Variants in CLIP4 observed in about 807,000 individuals in gnomAD.
The protein encoded by CLIP4 is CAP-Gly domain-containing linker protein 4.
CLIP4 carries 47 observed loss-of-function variants against 73.1 expected under a neutral mutation model. The ratio of observed to expected loss-of-function variants is 0.64; its 90% CI spans 0.51 to 0.82. The LOEUF (loss-of-function observed/expected upper bound fraction) is 0.82. Among genes scored for constraint, CLIP4 ranks in the 40% least tolerant of loss-of-function variants. The pLI is 0.00. For synonymous variants in CLIP4, 306 were observed against 295.4 expected (o/e 1.04, Z -0.37); for missense variants, 874 against 852.9 (o/e 1.02, Z -0.31).
intron 5 of CLIP4, among the ~76,000 whole-genome samples, chr2:29,134,153 T>C (rs1418869476): frequency 6.6e-6 from 1 of 152,148 alleles, no homozygotes; most frequent in Non-Finnish European, 1.5e-5. Flanking sequence ...AATAGAATAA[T>C]AAGGTCTTCA....
intron 8 of CLIP4, among the ~76,000 whole-genome samples, chr2:29,148,624 T>C (rs1666335802): frequency 6.6e-6 from 1 of 152,210 alleles, no homozygotes; most frequent in Non-Finnish European, 1.5e-5. Flanking sequence ...CTTTTTCAAC[T>C]CTTTTAGCTG....
intron 1 of CLIP4, among the ~76,000 whole-genome samples, chr2:29,118,539 A>T (rs1184492681): frequency 8.7e-5 from 12 of 137,398 alleles, no homozygotes; most frequent in Non-Finnish European, 1.5e-4. Flanking sequence ...TTTTTTTGAG[A>T]TGGAGTTTCG....
intron 9 of CLIP4, among the ~76,000 whole-genome samples, chr2:29,155,373 T>C (rs182851182): frequency 0.012 from 1,730 of 149,886 alleles, 17 homozygotes; most frequent in Non-Finnish European, 0.019. Flanking sequence ...ATAGAAGATA[T>C]GAAAAACAAC....
intron 15 of CLIP4, among the ~76,000 whole-genome samples, chr2:29,176,237 C>T (rs1668336622): frequency 6.6e-6 from 1 of 152,306 alleles, no homozygotes; most frequent in South Asian, 2.1e-4. Context: ...TGGCCTTCTG[C>T]CAAGGGGCCA....
chr2:29,100,368 CTTTATT>C (rs954309019), intron 1 of CLIP4, among the ~76,000 whole-genome samples: 6 of 152,072 alleles, frequency 3.9e-5, no homozygotes, highest in African/African-American at 9.7e-5. Context: ...AAAAATTAGA[CTTTATT>C]TTTAAGTTTA....
Position 29,152,871 on chromosome 2 carries a change from A to G in CLIP4, c.1165+43A>G, listed in dbSNP as rs763402126. 1.8e-5 allele frequency: 29 copies of G among 1,593,408 alleles called. 1 individual carries two copies. In the South Asian group the frequency reaches 3.4e-4, roughly 18 times the overall value. On this transcript the variant is annotated intron_variant, in intron 9 of 15. Transcript: ENST00000320081. ...GTTAACCATCTGCTTCAGTGTTTTA[A>G]TTTTATTTGTAGAATTCCTAATATT... is the stretch of plus-strand genomic sequence containing the variant.
At position 29,183,607 on chromosome 2, in the gene CLIP4, C is replaced by G. The variant is rs903259140; in HGVS notation, c.*1714C>G. The G allele has an allele frequency of 6.6e-5, 10 of 152,516 alleles. No homozygotes were observed. The highest frequency in any genetic ancestry group is 2.2e-4 in the African/African-American group (9 of 41,398). The allele number at this position is 152,516 out of a possible 1,614,324, so 9.4% of individuals were successfully genotyped here. A position where few individuals can be genotyped will look rare whatever the true frequency, so the allele number is the denominator to read the frequency against. ...ACACTGTAAGTTAAAAACAGTAATG[C>G]CAACATTGAATTTATTTTTGAGGTC... On this transcript the variant is annotated 3_prime_UTR_variant, in exon 16 of 16. Transcript: ENST00000320081.
chr2:29,139,049 G>A (rs560891711), intron 6 of CLIP4, among the ~76,000 whole-genome samples: 1 of 152,154 alleles, frequency 6.6e-6, no homozygotes, highest in African/African-American at 2.4e-5. Context: ...TTGAATAGGC[G>A]TAGTGACAGT....
In CLIP4 at chr2:29,132,242, A is replaced by G. The variant is rs765130877; in HGVS notation, c.364A>G (p.Ile122Val). Residue 122 changes from isoleucine to valine, a missense_variant, in exon 4 of 16, where the codon ATT becomes GTT. Physicochemically the swap from Ile to Val is conservative, Grantham distance 29. Coordinates refer to ENST00000320081, the MANE Select transcript of CLIP4 (RefSeq NM_024692.6). ...TACCTGCAAATCTGGAGCTCATGGT[A>G]TTGGTAAGTGTGTGGTAAATCTATC... ...HYTCKSGAHG[I>V]GDVETAVKFA... The G allele has an allele frequency of 5.6e-6, 9 of 1,610,888 alleles. No individual in the cohort carries two copies. Among genetic ancestry groups the G allele is most frequent in the Admixed American group, 1.7e-5 (1 of 59,952 alleles).
intron 1 of CLIP4, among the ~76,000 whole-genome samples, chr2:29,101,480 C>A (rs968073660): frequency 2.6e-5 from 4 of 151,938 alleles, no homozygotes; most frequent in Admixed American, 2.0e-4. Context: ...ATGATGGAGC[C>A]CAGAAAACTT....
At chr2:29,121,140 G>T (rs1664221605) in intron 1 of CLIP4, among the ~76,000 whole-genome samples, 1 of 152,094 alleles carries the variant, frequency 6.6e-6, no homozygotes, top group Non-Finnish European at 1.5e-5. Flanking sequence ...TTCCTTTTGA[G>T]CTTTGTCTAG....
chr2:29,176,938 G>C (rs1254662510), intron 15 of CLIP4, among the ~76,000 whole-genome samples: 2 of 152,134 alleles, frequency 1.3e-5, no homozygotes, highest in African/African-American at 2.4e-5. Context: ...TTTGTTTTCT[G>C]CCTGTCCCTT....
At chr2:29,167,646 T>C (rs953992500) in intron 14 of CLIP4, 106 bp downstream of exon 14, 13 of 706,914 alleles carry the variant, frequency 1.8e-5, no homozygotes, top group Middle Eastern at 3.5e-4. Flanking sequence ...TAAACTGTAT[T>C]TGTATAGTTT....
Position 29,145,292 on chromosome 2 carries a change from G to A in CLIP4, c.946G>A (p.Glu316Lys), listed in dbSNP as rs754602968. ...EFASGQWAGI[E>K]LDEPEGKNNG... ...TGCAAGTGGGCAGTGGGCTGGCATT[G>A]AACTGGATGAACCAGAAGGAAAAAA... Residue 316 changes from glutamate (E) to lysine (K), a missense_variant, in exon 8 of 16, where the codon GAA becomes AAA. Glu to Lys is a moderately conservative substitution (Grantham distance 56). Coordinates refer to ENST00000320081, the MANE Select transcript of CLIP4 (RefSeq NM_024692.6). 3.7e-6 allele frequency: 6 copies of A among 1,613,740 alleles called. No homozygotes were observed. The Admixed American group carries it at 1.0e-4, about 27-fold the overall frequency.
chr2:29,149,728 T>TA (rs10532407), intron 8 of CLIP4, among the ~76,000 whole-genome samples: 326 of 144,520 alleles, frequency 2.3e-3, no homozygotes, highest in African/African-American at 7.6e-3. Context: ...CTTTGGCTAA[T>TA]AAAAAAAAAA....
At chr2:29,143,122 C>G (rs940637426) in intron 6 of CLIP4, among the ~76,000 whole-genome samples, 1 of 152,228 alleles carries the variant, frequency 6.6e-6, no homozygotes, top group Non-Finnish European at 1.5e-5. Flanking sequence ...GCTCTGGAAC[C>G]ATGGATCTGG....
At chr2:29,166,013 T>C (rs888189924) in intron 13 of CLIP4, among the ~76,000 whole-genome samples, 3 of 151,934 alleles carry the variant, frequency 2.0e-5, no homozygotes, top group Non-Finnish European at 4.4e-5. Context: ...AATGAACTGC[T>C]ATCTCAATCC....
chr2:29,134,255 T>C (rs1189220026), intron 5 of CLIP4, among the ~76,000 whole-genome samples: 1 of 152,170 alleles, frequency 6.6e-6, no homozygotes, highest in East Asian at 1.9e-4. Flanking sequence ...CAGTTTTTTT[T>C]CCCTGTTTTG....
upstream of CLIP4, among the ~76,000 whole-genome samples, chr2:29,113,516 G>T (rs1668435091): frequency 6.6e-6 from 1 of 152,212 alleles, no homozygotes; most frequent in Non-Finnish European, 1.5e-5. This position sits in a 1 kb window ranked among gnomAD's most constrained non-coding sequence, Gnocchi z 4.0. Context: ...CTTGATGATG[G>T]TATAAAGAAG....
Sources: allele counts gnomAD v4.1 joint callset (sites outside exome capture counted in the v4.1 genomes callset), GRCh38; gene constraint gnomAD v4.1.1; non-coding constraint Gnocchi (gnomAD v3.1); transcripts MANE v1.5; gene names NCBI Gene and HGNC (gene_info 2026-07-23, HGNC 2026-07-21).